TMEM170B: variants seen among roughly 807,000 people sequenced by gnomAD.
TMEM170B encodes the protein transmembrane protein 170B.
Under a neutral mutation model 13.0 loss-of-function variants are expected in TMEM170B, and 6 were observed. The ratio of observed to expected loss-of-function variants is 0.46; its 90% CI spans 0.25 to 0.91. The LOEUF is 0.91. Among genes scored for constraint, TMEM170B ranks in the 40% least tolerant of loss-of-function variants. The pLI is 0.17. For synonymous variants in TMEM170B, 61 were observed against 64.9 expected (o/e 0.94, Z 0.29); for missense variants, 138 against 165.2 (o/e 0.84, Z 0.90).
rs1367812053 is a variant in TMEM170B at position 11,578,144 on chromosome 6, AATG to A, written c.*2586_*2588del. ...TTCTAGTGGAAAATTTGTTCAGTGT[AATG>A]ATCTTTTAAATAGGTTTGAGGATGT... On this transcript the variant is annotated 3_prime_UTR_variant, in exon 3 of 3. Coordinates refer to ENST00000379426, the MANE Select transcript of TMEM170B (RefSeq NM_001100829.3). 6.6e-6 allele frequency: 1 copy of A among 152,114 alleles called. No homozygotes were observed. The highest frequency in any genetic ancestry group is 1.5e-5 in the Non-Finnish European group (1 of 67,986). 9.4% of individuals were successfully genotyped at this position (152,114 alleles called of 1,614,324 possible). A position where few individuals can be genotyped will look rare whatever the true frequency, so the allele number is the denominator to read the frequency against.
At chr6:11,560,575 T>C (rs1311923987) in intron 1 of TMEM170B, among the ~76,000 whole-genome samples, 1 of 82,432 alleles carries the variant, frequency 1.2e-5, no homozygotes, top group Non-Finnish European at 2.5e-5. Context: ...GCAAGACTGC[T>C]ATCTCTTAAA....
intron 1 of TMEM170B, among the ~76,000 whole-genome samples, chr6:11,545,920 G>A (rs1006635883): frequency 6.6e-6 from 1 of 150,416 alleles, no homozygotes; most frequent in African/African-American, 2.4e-5. Flanking sequence ...GCTGAGGCAG[G>A]AGAATGGCAT....
At chr6:11,542,499 CGGGACTGA>C (rs1759375967) in intron 1 of TMEM170B, among the ~76,000 whole-genome samples, 2 of 151,334 alleles carry the variant, frequency 1.3e-5, no homozygotes. Context: ...AGGACTGAGG[CGGGACTGA>C]GGACCATGGG....
At chr6:11,540,306 A>C (rs1675254753) in intron 1 of TMEM170B, among the ~76,000 whole-genome samples, 1 of 152,234 alleles carries the variant, frequency 6.6e-6, no homozygotes, top group Admixed American at 6.5e-5. Flanking sequence ...AACTTTCAAA[A>C]TTGGAGTCAG....
At chr6:11,549,534 G>T (rs184366258) in intron 1 of TMEM170B, among the ~76,000 whole-genome samples, 1 of 152,010 alleles carries the variant, frequency 6.6e-6, no homozygotes, top group Admixed American at 6.5e-5. Flanking sequence ...GTAGTGGCGG[G>T]CACCTATAGT....
At chr6:11,570,590 G>T (rs566711603) in intron 2 of TMEM170B, among the ~76,000 whole-genome samples, 32 of 152,170 alleles carry the variant, frequency 2.1e-4, no homozygotes, top group African/African-American at 6.7e-4. Flanking sequence ...AATTATTTTT[G>T]CCAATTGCAA....
Position 11,537,774 on chromosome 6 carries a change from G to A in TMEM170B, c.-504G>A, listed in dbSNP as rs1399737575. On this transcript the variant is annotated 5_prime_UTR_variant, in exon 1 of 3. Coordinates refer to ENST00000379426, the MANE Select transcript of TMEM170B (RefSeq NM_001100829.3). ...CCTCGAGTGTCGGCGACCCGAGGGC[G>A]GGCAGGCGGGCGGCAGGTGCCGCCG... Among the ~76,000 whole-genome samples the A allele has an allele frequency of 2.6e-5, 4 of 151,610 alleles. No individual in the cohort carries two copies. The highest frequency in any genetic ancestry group is 1.3e-4 in the Admixed American group (2 of 15,264).
intron 1 of TMEM170B, among the ~76,000 whole-genome samples, chr6:11,543,774 T>C (rs976117787): frequency 6.6e-6 from 1 of 152,152 alleles, no homozygotes; most frequent in Non-Finnish European, 1.5e-5. Flanking sequence ...GGATACCAAA[T>C]GAAAGGGAAA....
intron 1 of TMEM170B, among the ~76,000 whole-genome samples, chr6:11,550,159 G>T (rs750890122): frequency 2.0e-5 from 3 of 149,378 alleles, no homozygotes; most frequent in Non-Finnish European, 4.4e-5. Flanking sequence ...TCATAATCCT[G>T]TCGTGGCTTA....
chr6:11,549,792 A>AT (rs1302951283), intron 1 of TMEM170B, among the ~76,000 whole-genome samples: 1 of 152,186 alleles, frequency 6.6e-6, no homozygotes, highest in African/African-American at 2.4e-5. Context: ...GAAGAACACA[A>AT]TTTCTTACTG....
At position 11,581,703 on chromosome 6, in the gene TMEM170B, C is replaced by T. The variant is rs1759959787; in HGVS notation, c.*6142C>T. On this transcript the variant is annotated 3_prime_UTR_variant, in exon 3 of 3. Transcript: ENST00000379426. ...CTGTCTTGCTGAATTAAGCAGAAAT[C>T]ACTTTTTTTAGAGCCTTGTTTAAAG... The T allele has an allele frequency of 6.6e-6, 1 of 152,170 alleles. No individual in the cohort carries two copies. Among genetic ancestry groups the T allele is most frequent in the Non-Finnish European group, 1.5e-5 (1 of 68,022 alleles). 9.4% of individuals were successfully genotyped at this position (152,170 alleles called of 1,614,324 possible).
At chr6:11,557,000 A>C (rs965861709) in intron 1 of TMEM170B, among the ~76,000 whole-genome samples, 21 of 152,178 alleles carry the variant, frequency 1.4e-4, no homozygotes, top group Admixed American at 1.4e-3. Flanking sequence ...CCTGTGGAAA[A>C]GCACTTGCAA....
At chr6:11,545,276 C>CTGTGTGTGTGTGTGTG (rs1287095672) in intron 1 of TMEM170B, among the ~76,000 whole-genome samples, 1 of 91,126 alleles carries the variant, frequency 1.1e-5, no homozygotes, top group African/African-American at 3.7e-5. Flanking sequence ...CTCTCTCTCT[C>CTGTGTGTGTGTGTGTG]TCTCTGTGTG....
At chr6:11,542,521 C>T (rs1182520524) in intron 1 of TMEM170B, among the ~76,000 whole-genome samples, 1 of 152,146 alleles carries the variant, frequency 6.6e-6, no homozygotes, top group South Asian at 2.1e-4. Flanking sequence ...CCATGGGAAC[C>T]TCTACTAGGA....
At chr6:11,538,664 G>A (rs1759317354) in intron 1 of TMEM170B, among the ~76,000 whole-genome samples, 1 of 152,240 alleles carries the variant, frequency 6.6e-6, no homozygotes, top group Non-Finnish European at 1.5e-5. Flanking sequence ...TACGCGCGGA[G>A]TAGCTTTAGT....
At chr6:11,556,779 C>G (rs1759595668) in intron 1 of TMEM170B, among the ~76,000 whole-genome samples, 2 of 152,152 alleles carry the variant, frequency 1.3e-5, no homozygotes, top group African/African-American at 4.8e-5. Flanking sequence ...AACTGGAGTT[C>G]TACTAGAGCT....
chr6:11,569,146 T>C (rs1033158554), intron 2 of TMEM170B, among the ~76,000 whole-genome samples: 1 of 152,124 alleles, frequency 6.6e-6, no homozygotes, highest in African/African-American at 2.4e-5. Flanking sequence ...TTTCTTTTGG[T>C]ATTCTTGTTT....
In TMEM170B at chr6:11,538,375, G is replaced by A; in HGVS notation, c.97+1G>A. Reference sequence around the variant, plus strand: ...GGGACGGTGCTGAGGAACCTCACGGGTAATTGACGCGCCTGGGCTGGGGAC... The same window carrying A: ...GGGACGGTGCTGAGGAACCTCACGGATAATTGACGCGCCTGGGCTGGGGAC... On this transcript the variant is annotated splice_donor_variant, in intron 1 of 2. Coordinates refer to ENST00000379426, the MANE Select transcript of TMEM170B (RefSeq NM_001100829.3). LOFTEE classifies it high-confidence loss of function. 1 of 1,510,160 alleles carries A rather than the reference G, an allele frequency of 6.6e-7. No homozygotes were observed. Among genetic ancestry groups the A allele is most frequent in the Non-Finnish European group, 8.8e-7 (1 of 1,131,630 alleles). The allele number at this position is 1,510,160 out of a possible 1,614,324, so 93.5% of individuals were successfully genotyped here. A position where few individuals can be genotyped will look rare whatever the true frequency, so the allele number is the denominator to read the frequency against.
At chr6:11,569,773 AT>A (rs1312374867) in intron 2 of TMEM170B, among the ~76,000 whole-genome samples, 1 of 152,158 alleles carries the variant, frequency 6.6e-6, no homozygotes, top group Non-Finnish European at 1.5e-5. Flanking sequence ...ACACTAAAAA[AT>A]TCATCATTTC....
Sources: allele counts gnomAD v4.1 joint callset (sites outside exome capture counted in the v4.1 genomes callset), GRCh38; gene constraint gnomAD v4.1.1; transcripts MANE v1.5; gene names NCBI Gene and HGNC (gene_info 2026-07-23, HGNC 2026-07-21).